CLIP2: variants seen among roughly 807,000 people sequenced by gnomAD.
The protein encoded by CLIP2 is CAP-Gly domain-containing linker protein 2.
A neutral mutation model predicts 111.7 loss-of-function variants in CLIP2; 41 were observed. The ratio of observed to expected loss-of-function variants is 0.37; its 90% CI spans 0.29 to 0.48. CLIP2 has a LOEUF of 0.48. Among genes scored for constraint, CLIP2 ranks in the 20% least tolerant of loss-of-function variants. The pLI is 0.99. For missense variants in CLIP2, 1,160 were observed against 1,422.1 expected, an observed-to-expected ratio of 0.82 and a Z score of 2.96; for synonymous variants, 660 against 644.2, an observed-to-expected ratio of 1.02 and a Z score of -0.37.
At position 74,323,441 on chromosome 7, in the gene CLIP2, T is replaced by G. The variant is rs550699017; in HGVS notation, c.121+5774T>G. ...CCTTTTCTTTTCTTTTTTTTTTTCT[T>G]TTTTGAGATAGAGTTTTACTCCATC... is the stretch of plus-strand genomic sequence containing the variant. On this transcript the variant is annotated intron_variant, in intron 2 of 16. Transcript: ENST00000223398. 6.6e-5 allele frequency among the ~76,000 whole-genome samples: 10 copies of G among 151,854 alleles called. No homozygotes were observed. The East Asian group carries it at 1.9e-3, about 29-fold the overall frequency.
chr7:74,335,046 G>T (rs1368170692), intron 2 of CLIP2, among the ~76,000 whole-genome samples: 1 of 151,988 alleles, frequency 6.6e-6, no homozygotes. Flanking sequence ...CTAGCTGGGT[G>T]TCCTACTCGG....
intron 8 of CLIP2, among the ~76,000 whole-genome samples, chr7:74,366,181 C>G (rs1057101631): frequency 5.9e-5 from 9 of 152,030 alleles, no homozygotes; most frequent in Non-Finnish European, 8.8e-5. Flanking sequence ...TATTGCAAAA[C>G]CCCCAGAAGG....
At chr7:74,302,978 A>G (rs1386985002) in intron 1 of CLIP2, among the ~76,000 whole-genome samples, 1 of 152,082 alleles carries the variant, frequency 6.6e-6, no homozygotes, top group African/African-American at 2.4e-5. Flanking sequence ...TGTTGCCTGC[A>G]CAGCTGGGGC....
intron 8 of CLIP2, among the ~76,000 whole-genome samples, chr7:74,371,423 C>G (rs58486846): frequency 6.8e-6 from 1 of 146,738 alleles, no homozygotes; most frequent in African/African-American, 2.5e-5. Flanking sequence ...TGCCCACCGA[C>G]GGGGATAGGG....
At chr7:74,397,638 T>C (rs550988277) in intron 14 of CLIP2, among the ~76,000 whole-genome samples, 30 of 147,622 alleles carry the variant, frequency 2.0e-4, no homozygotes, top group African/African-American at 6.5e-4. Context: ...ACAGCAAGCC[T>C]GGGATTCTGG....
chr7:74,302,785 G>T (rs1788374498), intron 1 of CLIP2, among the ~76,000 whole-genome samples: 1 of 152,194 alleles, frequency 6.6e-6, no homozygotes, highest in African/African-American at 2.4e-5. Context: ...TGGAGCCTGG[G>T]TTCCAGCCCT....
intron 1 of CLIP2, among the ~76,000 whole-genome samples, chr7:74,304,465 G>T (rs532398256): frequency 1.6e-3 from 239 of 151,274 alleles, no homozygotes; most frequent in Non-Finnish European, 2.2e-3. Context: ...GGTGGAGGTT[G>T]CAGTGAGCCG....
intron 2 of CLIP2, among the ~76,000 whole-genome samples, chr7:74,337,960 G>T (rs1250446464): frequency 2.0e-5 from 3 of 152,092 alleles, no homozygotes; most frequent in African/African-American, 4.8e-5. Context: ...AGAGTAGGGG[G>T]AGACCTGAGG....
intron 7 of CLIP2, among the ~76,000 whole-genome samples, chr7:74,362,528 C>CTTTTTTTTTT (rs3044338): frequency 3.4e-3 from 413 of 121,730 alleles, no homozygotes; most frequent in Non-Finnish European, 4.0e-3. Context: ...TTTTTCTTTT[C>CTTTTTTTTTT]TTTTTTTTTT....
chr7:74,302,519 C>T (rs888047527), intron 1 of CLIP2, among the ~76,000 whole-genome samples: 3 of 152,200 alleles, frequency 2.0e-5, no homozygotes, highest in Non-Finnish European at 4.4e-5. Context: ...TGAGGAACCA[C>T]AGCCCTGAGC....
intron 7 of CLIP2, among the ~76,000 whole-genome samples, chr7:74,362,347 T>C (rs1440637566): frequency 1.3e-5 from 2 of 152,154 alleles, no homozygotes; most frequent in Non-Finnish European, 2.9e-5. Flanking sequence ...CACCCCCACT[T>C]GGGTCTGTTC....
chr7:74,385,252 G>A (rs28441242), intron 11 of CLIP2, among the ~76,000 whole-genome samples: 14,251 of 151,074 alleles, frequency 0.094, 1,521 homozygotes, highest in East Asian at 0.4. Flanking sequence ...CTGAGATGGC[G>A]CCACTGCACT....
At position 74,338,385 on chromosome 7, in the gene CLIP2, TG is replaced by T; in HGVS notation, c.122-59del. The T allele has an allele frequency of 6.4e-7, 1 of 1,555,694 alleles. No individual in the cohort carries two copies. On this transcript the variant is annotated intron_variant, in intron 2 of 16. Transcript: ENST00000223398. The surrounding 1 kb of genome is among the most constrained non-coding windows in gnomAD (Gnocchi z 4.3). ...CTCCCAACCCTAGACTCTGTGCTCC[TG>T]GGGCCACCCAGGGGCCAGCCCTAAC... is the stretch of plus-strand genomic sequence containing the variant.
chr7:74,375,865 C>T (rs1183311309), intron 9 of CLIP2, 22 bp from the exon 10 acceptor site: 29 of 1,487,278 alleles, frequency 1.9e-5, no homozygotes, highest in Non-Finnish European at 2.5e-5. Flanking sequence ...CCGCTGATCC[C>T]TGTCTCCCTC....
intron 8 of CLIP2, chr7:74,364,956 G>A (rs1790435573): frequency 2.3e-6 from 1 of 437,938 alleles, no homozygotes; most frequent in Non-Finnish European, 4.6e-6. Context: ...TCTGGGAGAT[G>A]GAGGCTGCAG....
At chr7:74,298,356 GTT>G (rs35535113) in intron 1 of CLIP2, among the ~76,000 whole-genome samples, 153 of 109,598 alleles carry the variant, frequency 1.4e-3, no homozygotes, top group Middle Eastern at 4.6e-3. Flanking sequence ...CTGCTAATTG[GTT>G]TTTTTTTTTT....
rs1791697655 is a variant in CLIP2 at position 74,404,013 on chromosome 7, C to T, written c.*165C>T. On this transcript the variant is annotated 3_prime_UTR_variant, in exon 17 of 17. Transcript: ENST00000223398. Reference sequence around the variant, plus strand: ...CGGACAATCCCCCACCCCGATCCCTCGCCAGACCAGGACGCTTCCTCAAGC... The same window carrying T: ...CGGACAATCCCCCACCCCGATCCCTTGCCAGACCAGGACGCTTCCTCAAGC... 18 of 754,196 alleles carry T rather than the reference C, an allele frequency of 2.4e-5. No homozygotes were observed. The highest frequency in any genetic ancestry group is 1.4e-4 in the Admixed American group (7 of 50,966). The allele number at this position is 754,196 out of a possible 1,614,324, so 46.7% of individuals were successfully genotyped here.
At chr7:74,372,797 C>T (rs1270526513) in intron 8 of CLIP2, 135 bp from the exon 9 acceptor site, 20 of 652,568 alleles carry the variant, frequency 3.1e-5, no homozygotes, top group South Asian at 2.0e-4. Context: ...CTACTCTCCT[C>T]GCCTTGTTCA....
chr7:74,356,669 AG>A, intron 5 of CLIP2, 46 bp downstream of exon 5: 1 of 1,540,980 alleles, frequency 6.5e-7, no homozygotes, highest in Non-Finnish European at 8.8e-7. Flanking sequence ...TGCGTTTGGG[AG>A]GGGTGAGGAT....
Sources: allele counts gnomAD v4.1 joint callset (sites outside exome capture counted in the v4.1 genomes callset), GRCh38; gene constraint gnomAD v4.1.1; non-coding constraint Gnocchi (gnomAD v3.1); transcripts MANE v1.5; gene names NCBI Gene and HGNC (gene_info 2026-07-23, HGNC 2026-07-21).